The following GRIP1 variants were observed in gnomAD, a reference collection of about 807,000 sequenced individuals.
GRIP1 encodes glutamate receptor-interacting protein 1.
A neutral mutation model predicts 129.9 loss-of-function variants in GRIP1; 45 were observed. The observed-to-expected ratio is 0.35, with a 90% CI of 0.27 to 0.44. The LOEUF (loss-of-function observed/expected upper bound fraction) is 0.44. Ranked by LOEUF, GRIP1 falls within the 20% of genes least tolerant of loss-of-function variation. The probability of loss-of-function intolerance (pLI) is 1.00; values close to 1 mark genes in which losing one functional copy is unlikely to be tolerated. For missense variants in GRIP1, 1,196 were observed against 1,396.8 expected (o/e 0.86, Z 2.29); for synonymous variants, 530 against 520.8 (o/e 1.02, Z -0.24).
intron 2 of GRIP1, among the ~76,000 whole-genome samples, chr12:66,565,784 G>A (rs2062733891): frequency 6.6e-6 from 1 of 152,086 alleles, no homozygotes; most frequent in Non-Finnish European, 1.5e-5. Context: ...ATTTGTTTGT[G>A]TCCTCTTTTA....
chr12:66,774,965 AT>A (rs2037933813), intron 1 of GRIP1, among the ~76,000 whole-genome samples: 1 of 152,154 alleles, frequency 6.6e-6, no homozygotes, highest in African/African-American at 2.4e-5. Context: ...CTTACACAGA[AT>A]CACTCCCTCC....
intron 1 of GRIP1, among the ~76,000 whole-genome samples, chr12:66,653,804 A>T (rs1159808491): frequency 6.6e-6 from 1 of 152,204 alleles, no homozygotes; most frequent in African/African-American, 2.4e-5. Flanking sequence ...TCTATACTCA[A>T]AAACAAGATT....
chr12:66,916,176 G>A (rs762861541), intron 1 of GRIP1, among the ~76,000 whole-genome samples: 7 of 152,166 alleles, frequency 4.6e-5, no homozygotes, highest in Admixed American at 2.0e-4. Context: ...AAGGAAAATG[G>A]CAAGTATGTT....
intron 1 of GRIP1, among the ~76,000 whole-genome samples, chr12:66,853,757 GAGTAAACACTATATTGAGGCTGC>G (rs1405431505): frequency 1.3e-5 from 2 of 151,994 alleles, no homozygotes; most frequent in Non-Finnish European, 2.9e-5. Context: ...AAATTAATAC[GAGTAAACACTATATTGAGGCTGC>G]AGAAAGATAT....
intron 1 of GRIP1, among the ~76,000 whole-genome samples, chr12:66,933,883 G>A (rs1185009004): frequency 6.6e-6 from 1 of 152,040 alleles, no homozygotes; most frequent in African/African-American, 2.4e-5. Context: ...AGTACTCAGG[G>A]AACCCTTTTT....
At chr12:66,793,450 G>T (rs1000887340) in intron 1 of GRIP1, among the ~76,000 whole-genome samples, 3 of 151,506 alleles carry the variant, frequency 2.0e-5, no homozygotes. Context: ...GATTCAGTGG[G>T]AAAAAAAACA....
At chr12:66,408,618 G>A (rs1042121905) in intron 15 of GRIP1, among the ~76,000 whole-genome samples, 2 of 152,178 alleles carry the variant, frequency 1.3e-5, no homozygotes, top group African/African-American at 4.8e-5. Context: ...TGGTGGCTAT[G>A]GGGAGAGGCT....
At chr12:66,979,244 A>C (rs796999751) in intron 1 of GRIP1, among the ~76,000 whole-genome samples, 1 of 148,046 alleles carries the variant, frequency 6.8e-6, no homozygotes, top group Non-Finnish European at 1.5e-5. Context: ...AAAAAAAAAA[A>C]AAAAAAAAAA....
At chr12:66,371,995 T>C (rs2055532323) in intron 22 of GRIP1, 68 bp from the exon 23 acceptor site, 1 of 1,006,690 alleles carries the variant, frequency 9.9e-7, no homozygotes, top group East Asian at 2.4e-5. Context: ...TGCTCAACAG[T>C]AAGCACATTT....
intron 1 of GRIP1, among the ~76,000 whole-genome samples, chr12:66,644,707 T>C (rs1043421834): frequency 2.6e-5 from 4 of 152,242 alleles, no homozygotes; most frequent in Non-Finnish European, 1.5e-5. Context: ...TTATCTTACG[T>C]AGGACTCTGT....
intron 14 of GRIP1, among the ~76,000 whole-genome samples, chr12:66,428,130 A>C (rs1021710239): frequency 2.0e-5 from 3 of 152,144 alleles, no homozygotes; most frequent in Non-Finnish European, 4.4e-5. Context: ...GGGCAAGTGG[A>C]CCCAAGTTTG....
intron 1 of GRIP1, among the ~76,000 whole-genome samples, chr12:66,684,628 T>C (rs2034710068): frequency 6.6e-6 from 1 of 152,080 alleles, no homozygotes; most frequent in South Asian, 2.1e-4. Context: ...GCAGATCACT[T>C]GAGGTCAGGA....
intron 1 of GRIP1, among the ~76,000 whole-genome samples, chr12:67,026,399 G>A (rs970850739): frequency 6.6e-6 from 1 of 151,966 alleles, no homozygotes; most frequent in African/African-American, 2.4e-5. Flanking sequence ...GACTTCCATA[G>A]TGTCCCATTT....
chr12:66,414,034 G>A (rs780278703), intron 15 of GRIP1, among the ~76,000 whole-genome samples: 17 of 152,024 alleles, frequency 1.1e-4, no homozygotes, highest in Non-Finnish European at 2.1e-4. Flanking sequence ...TTGAAAACTA[G>A]CACAAGACAA....
intron 1 of GRIP1, among the ~76,000 whole-genome samples, chr12:67,052,564 C>T (rs1202376226): frequency 6.6e-6 from 1 of 151,980 alleles, no homozygotes; most frequent in East Asian, 1.9e-4. Flanking sequence ...TGGAGACCAT[C>T]CTGGCTAATA....
chr12:66,883,709 G>C (rs561715606), intron 1 of GRIP1, among the ~76,000 whole-genome samples: 1 of 152,162 alleles, frequency 6.6e-6, no homozygotes, highest in African/African-American at 2.4e-5. Context: ...CTGTCATCCC[G>C]ATGTAAATAG....
chr12:66,688,792 G>C (rs908123235), intron 1 of GRIP1, among the ~76,000 whole-genome samples: 1 of 151,406 alleles, frequency 6.6e-6, no homozygotes, highest in Non-Finnish European at 1.5e-5. Flanking sequence ...AAAAGGAAAG[G>C]CATTTTATTT....
intron 23 of GRIP1, among the ~76,000 whole-genome samples, chr12:66,355,670 A>G (rs2137105753): frequency 6.6e-6 from 1 of 152,164 alleles, no homozygotes; most frequent in Admixed American, 6.5e-5. Context: ...AATACTCACC[A>G]GGGGGAGAGG....
At chr12:66,513,984 C>T (rs941540289) in intron 7 of GRIP1, among the ~76,000 whole-genome samples, 7 of 152,120 alleles carry the variant, frequency 4.6e-5, no homozygotes, top group Non-Finnish European at 7.4e-5. Context: ...TCCTTCTAAG[C>T]CTTTGGGTTT....
Sources: gnomAD v4.1 joint callset for allele counts (sites outside exome capture counted in the v4.1 genomes callset) on GRCh38, gnomAD v4.1.1 for gene constraint, MANE v1.5 for transcripts, NCBI Gene and HGNC (gene_info 2026-07-23, HGNC 2026-07-21) for gene names.